VRK1: variants seen among roughly 807,000 people sequenced by gnomAD.
VRK1 encodes the protein VRK serine/threonine kinase 1, also known as serine/threonine-protein kinase VRK1.
Under a neutral mutation model 57.1 loss-of-function variants are expected in VRK1, and 33 were observed. That is an observed-to-expected ratio of 0.58 (90% CI 0.44 to 0.77). The LOEUF (loss-of-function observed/expected upper bound fraction) is 0.77, where lower values mean the gene tolerates loss of function less well. VRK1 is among the 30% of genes least tolerant of loss of function. VRK1 has a pLI of 0.00. For synonymous variants in VRK1, 137 were observed against 147.8 expected (o/e 0.93, Z 0.53); for missense variants, 413 against 477.3 (o/e 0.87, Z 1.25).
At chr14:96,854,409 A>T (rs368869543) in intron 7 of VRK1, among the ~76,000 whole-genome samples, 14 of 152,186 alleles carry the variant, frequency 9.2e-5, no homozygotes, top group African/African-American at 2.6e-4. Flanking sequence ...CCAGTGTTAG[A>T]TGTATGTGCT....
chr14:96,810,834 A>C (rs1886162489), intron 1 of VRK1, among the ~76,000 whole-genome samples: 1 of 152,050 alleles, frequency 6.6e-6, no homozygotes, highest in African/African-American at 2.4e-5. Context: ...TCCCAGCTTT[A>C]TGTTGTTCCC....
intron 1 of VRK1, among the ~76,000 whole-genome samples, chr14:96,817,676 A>G (rs1282841976): frequency 6.6e-6 from 1 of 152,208 alleles, no homozygotes; most frequent in African/African-American, 2.4e-5. Context: ...TATATAGTGA[A>G]CATCCAGAGA....
At chr14:96,871,252 A>G (rs985007180) in intron 11 of VRK1, among the ~76,000 whole-genome samples, 1 of 152,204 alleles carries the variant, frequency 6.6e-6, no homozygotes, top group Non-Finnish European at 1.5e-5. Context: ...TTGTTCCTTC[A>G]GACCTGTTAA....
chr14:96,846,207 C>G (rs748446129), intron 4 of VRK1, 43 bp downstream of exon 4: 17 of 1,591,594 alleles, frequency 1.1e-5, no homozygotes, highest in African/African-American at 1.4e-5. Context: ...TTAAAATGAC[C>G]AGTTTTTTGT....
In VRK1 at chr14:96,833,580, T is replaced by A. The variant is rs2139748832; in HGVS notation, c.109T>A (p.Trp37Arg). Reference sequence around the variant, plus strand: ...AATAACTGACATGGCAAAAAAGGAATGGAAAGTAGGATTACCCATTGGCCA... The same window carrying A: ...AATAACTGACATGGCAAAAAAGGAAAGGAAAGTAGGATTACCCATTGGCCA... ...EIITDMAKKE[W>R]KVGLPIGQGG... The change falls in exon 2 of 13, where the codon TGG (tryptophan) becomes AGG (arginine). Residue 37 changes from tryptophan to arginine, a missense_variant. By Grantham distance (101) the Trp-to-Arg change is moderately radical. Coordinates refer to ENST00000216639, the MANE Select transcript of VRK1 (RefSeq NM_003384.3). 6.2e-7 allele frequency: 1 copy of A among 1,613,804 alleles called. No homozygotes were observed.
At chr14:96,848,877 G>A (rs1266265995) in intron 5 of VRK1, among the ~76,000 whole-genome samples, 3 of 152,108 alleles carry the variant, frequency 2.0e-5, no homozygotes, top group Non-Finnish European at 4.4e-5. Context: ...GTCTTTAATC[G>A]CTTAAATGTT....
chr14:96,881,456 T>C lies in VRK1; in HGVS notation c.*248T>C, dbSNP rs918022601. 21 of 409,402 alleles carry C rather than the reference T, an allele frequency of 5.1e-5. No individual in the cohort carries two copies. The highest frequency in any genetic ancestry group is 4.3e-4 in the African/African-American group (21 of 49,330). 25.4% of individuals were successfully genotyped at this position (409,402 alleles called of 1,614,324 possible). Reference sequence around the variant, plus strand: ...TTATCCCAAAGCCGTGTGTTTGTGATGTTTTGGAGTACATATATATGAAAA... The same window carrying C: ...TTATCCCAAAGCCGTGTGTTTGTGACGTTTTGGAGTACATATATATGAAAA... On this transcript the variant is annotated 3_prime_UTR_variant, in exon 13 of 13. Transcript: ENST00000216639.
intron 10 of VRK1, among the ~76,000 whole-genome samples, chr14:96,860,326 A>G (rs191787617): frequency 1.3e-5 from 2 of 152,150 alleles, no homozygotes; most frequent in Admixed American, 1.3e-4. Context: ...CTTGTTTCTC[A>G]CAATTACAAA....
At chr14:96,844,488 T>C (rs1010114238) in intron 3 of VRK1, among the ~76,000 whole-genome samples, 1 of 152,232 alleles carries the variant, frequency 6.6e-6, no homozygotes, top group African/African-American at 2.4e-5. Flanking sequence ...TACTGTTAAA[T>C]GCTCATTAAT....
chr14:96,807,454 CTT>C (rs1885925170), intron 1 of VRK1, among the ~76,000 whole-genome samples: 1 of 152,180 alleles, frequency 6.6e-6, no homozygotes, highest in Non-Finnish European at 1.5e-5. Flanking sequence ...TGGCTTTCCT[CTT>C]TTTAAAAAAA....
At chr14:96,832,557 C>T (rs759528219) in intron 1 of VRK1, among the ~76,000 whole-genome samples, 10 of 152,094 alleles carry the variant, frequency 6.6e-5, no homozygotes, top group Non-Finnish European at 1.3e-4. Context: ...GTGACTTGAT[C>T]AAGATTACCC....
rs1331027476 is a variant in VRK1 at position 96,851,858 on chromosome 14, C to G, written c.375-973C>G. 8.5e-5 allele frequency among the ~76,000 whole-genome samples: 13 copies of G among 152,184 alleles called. 1 individual carries two copies. The highest frequency in any genetic ancestry group is 8.5e-4 in the Admixed American group (13 of 15,288). ...GCATTAATAACGTTTTAAGTACTTA[C>G]AGTAGTGCTGTGTGCATACCAGGTG... On this transcript the variant is annotated intron_variant, in intron 5 of 12. Coordinates refer to ENST00000216639, the MANE Select transcript of VRK1 (RefSeq NM_003384.3).
At chr14:96,875,040 A>G (rs1459115255) in intron 11 of VRK1, among the ~76,000 whole-genome samples, 6 of 152,220 alleles carry the variant, frequency 3.9e-5, no homozygotes, top group Non-Finnish European at 8.8e-5. Context: ...TCTAAATGAT[A>G]CAGACTTATT....
intron 1 of VRK1, among the ~76,000 whole-genome samples, chr14:96,800,334 C>G (rs1595631777): frequency 6.6e-6 from 1 of 152,260 alleles, no homozygotes; most frequent in East Asian, 1.9e-4. Flanking sequence ...CCTGCTCCAT[C>G]TCTCCCAATG....
At chr14:96,810,859 A>G (rs992265764) in intron 1 of VRK1, among the ~76,000 whole-genome samples, 16 of 152,112 alleles carry the variant, frequency 1.1e-4, no homozygotes, top group South Asian at 4.1e-4. Flanking sequence ...CGAATGTGCT[A>G]TCTAGAACTT....
At chr14:96,855,714 G>A (rs1888127726) in intron 8 of VRK1, among the ~76,000 whole-genome samples, 2 of 151,898 alleles carry the variant, frequency 1.3e-5, no homozygotes, top group Admixed American at 1.3e-4. Context: ...CTTTTATTTT[G>A]TTACCTGTTA....
chr14:96,852,710 T>C, intron 5 of VRK1, 121 bp from the exon 6 acceptor site: 1 of 760,782 alleles, frequency 1.3e-6, no homozygotes, highest in Admixed American at 2.1e-5. Flanking sequence ...TTTGTATTTC[T>C]TTTTTAAAGA....
Position 96,857,278 on chromosome 14 carries a change from G to A in VRK1, c.889+692G>A, listed in dbSNP as rs527990579. Among the ~76,000 whole-genome samples, 3 of 152,174 alleles carry A rather than the reference G, an allele frequency of 2.0e-5. No homozygotes were observed. In the East Asian group the frequency reaches 5.8e-4, roughly 29 times the overall value. ...AGAATTAGGGGGATGGGGATGGGGT[G>A]GGTAGTAAAGTAGTGAGGAGGACTG... On this transcript the variant is annotated intron_variant, in intron 10 of 12. Coordinates refer to ENST00000216639, the MANE Select transcript of VRK1 (RefSeq NM_003384.3).
At chr14:96,830,473 A>T in intron 1 of VRK1, among the ~76,000 whole-genome samples, 2 of 150,792 alleles carry the variant, frequency 1.3e-5, no homozygotes, top group Non-Finnish European at 1.5e-5. Context: ...TTATTTCCGA[A>T]CTGATTTTTG....
Sources: gnomAD v4.1 joint callset for allele counts (sites outside exome capture counted in the v4.1 genomes callset) on GRCh38, gnomAD v4.1.1 for gene constraint, MANE v1.5 for transcripts, NCBI Gene and HGNC (gene_info 2026-07-23, HGNC 2026-07-21) for gene names.